The following GANC variants were observed in gnomAD, a reference collection of about 807,000 sequenced individuals.
GANC encodes neutral alpha-glucosidase C.
Under a neutral mutation model 124.2 loss-of-function variants are expected in GANC, and 117 were observed. The ratio of observed to expected loss-of-function variants is 0.94; its 90% CI spans 0.81 to 1.10. The LOEUF is 1.10. Among genes scored for constraint, GANC ranks in the 50% least tolerant of loss-of-function variants. The probability of loss-of-function intolerance (pLI) is 0.00; values close to 1 mark genes in which losing one functional copy is unlikely to be tolerated. For synonymous variants in GANC, 377 were observed against 376.8 expected (o/e 1.00, Z -0.01); for missense variants, 1,140 against 1,095.0 (o/e 1.04, Z -0.58).
intron 10 of GANC, among the ~76,000 whole-genome samples, chr15:42,317,955 C>T (rs887903207): frequency 2.0e-5 from 3 of 152,214 alleles, no homozygotes; most frequent in Non-Finnish European, 4.4e-5. Context: ...CAATCATATA[C>T]CATACCCTCC....
At chr15:42,325,381 G>A (rs989380717) in intron 11 of GANC, among the ~76,000 whole-genome samples, 2 of 152,160 alleles carry the variant, frequency 1.3e-5, no homozygotes, top group Non-Finnish European at 2.9e-5. Context: ...ATTAGATGGT[G>A]TTCTGGCCAA....
rs182653545 is a variant in GANC at position 42,323,745 on chromosome 15, C to T, written c.1293+1725C>T. ...CTTGAACTCCTGACTTCAGGTGATC[C>T]GCCCACCTGAGGCTCCCAAAGTGCT... On this transcript the variant is annotated intron_variant, in intron 11 of 23. Coordinates refer to ENST00000318010, the MANE Select transcript of GANC (RefSeq NM_198141.3). Among the ~76,000 whole-genome samples, 111 of 152,210 alleles carry T rather than the reference C, an allele frequency of 7.3e-4. 1 individual carries two copies. Among genetic ancestry groups the T allele is most frequent in the African/African-American group, 2.6e-3 (106 of 41,520 alleles).
Position 42,326,335 on chromosome 15 carries a change from C to G in GANC, c.1331C>G (p.Pro444Arg). ...VISDPHIKID[P>R]DYSVYVKAKD... Reference sequence around the variant, plus strand: ...AGTGATCCCCACATCAAGATTGATCCTGACTACTCAGTATATGTGAAGGCC... The same window carrying G: ...AGTGATCCCCACATCAAGATTGATCGTGACTACTCAGTATATGTGAAGGCC... The change falls in exon 12 of 24, where the codon CCT becomes CGT. Residue 444 changes from proline to arginine, a missense_variant. By Grantham distance (103) the Pro-to-Arg change is moderately radical (BLOSUM62 -2). Coordinates refer to ENST00000318010, the MANE Select transcript of GANC (RefSeq NM_198141.3). 1.8e-5 allele frequency: 29 copies of G among 1,614,066 alleles called. No homozygotes were observed. Among genetic ancestry groups the G allele is most frequent in the Non-Finnish European group, 2.5e-5 (29 of 1,179,952 alleles).
At chr15:42,320,783 A>C (rs2052149852) in intron 10 of GANC, among the ~76,000 whole-genome samples, 1 of 152,060 alleles carries the variant, frequency 6.6e-6, no homozygotes, top group Non-Finnish European at 1.5e-5. Context: ...CTGTGTGCCT[A>C]GATGAGGCTT....
chr15:42,306,642 CAG>C, intron 7 of GANC, 30 bp downstream of exon 7: 1 of 1,442,624 alleles, frequency 6.9e-7, no homozygotes, highest in South Asian at 1.2e-5. Flanking sequence ...AGTATTAAAA[CAG>C]ATCATTCTAA....
At chr15:42,350,161 G>T (rs951351659) in intron 22 of GANC, among the ~76,000 whole-genome samples, 1 of 150,702 alleles carries the variant, frequency 6.6e-6, no homozygotes, top group African/African-American at 2.4e-5. Flanking sequence ...CTCCCAAGTA[G>T]CTGGGATTAC....
chr15:42,283,367 C>T (rs2051752897), intron 3 of GANC, among the ~76,000 whole-genome samples: 1 of 152,148 alleles, frequency 6.6e-6, no homozygotes, highest in Non-Finnish European at 1.5e-5. Context: ...TTGTAGAACT[C>T]AGTTGTTGTT....
At chr15:42,279,710 C>T (rs972420543) in intron 3 of GANC, among the ~76,000 whole-genome samples, 1 of 152,144 alleles carries the variant, frequency 6.6e-6, no homozygotes, top group Non-Finnish European at 1.5e-5. Context: ...TCTGACTTAA[C>T]TGGTAATTCA....
chr15:42,325,740 G>GC (rs1288168192), intron 11 of GANC, among the ~76,000 whole-genome samples: 1 of 152,038 alleles, frequency 6.6e-6, no homozygotes, highest in African/African-American at 2.4e-5. Flanking sequence ...AAGAGCATTG[G>GC]CCTGGTTTTT....
intron 15 of GANC, among the ~76,000 whole-genome samples, chr15:42,331,519 G>C (rs1311653255): frequency 6.6e-6 from 1 of 152,140 alleles, no homozygotes; most frequent in African/African-American, 2.4e-5. Context: ...CATAAGCAAC[G>C]GAGAGCTTAG....
At chr15:42,345,944 C>G in intron 20 of GANC, 112 bp downstream of exon 20, 1 of 734,956 alleles carries the variant, frequency 1.4e-6, no homozygotes, top group Non-Finnish European at 2.3e-6. Flanking sequence ...AACTTATTTT[C>G]TCGAAGTTTT....
intron 1 of GANC, 45 bp from the exon 2 acceptor site, chr15:42,276,303 C>A: frequency 1.1e-6 from 1 of 945,204 alleles, no homozygotes; most frequent in Non-Finnish European, 1.7e-6. Flanking sequence ...GTTGGATTCA[C>A]AAGCCCTGTG....
At chr15:42,313,922 C>T (rs1011138556) in intron 10 of GANC, 14 of 607,138 alleles carry the variant, frequency 2.3e-5, no homozygotes, top group African/African-American at 7.4e-5. Context: ...GCTGCTCTCC[C>T]GCCTAGACAA....
intron 11 of GANC, among the ~76,000 whole-genome samples, chr15:42,322,307 A>G (rs1405900750): frequency 6.6e-6 from 1 of 152,212 alleles, no homozygotes; most frequent in African/African-American, 2.4e-5. Context: ...CCCCCCACTC[A>G]AAATTTAGTT....
In GANC at chr15:42,288,853, C is replaced by T. The variant is rs2051816641; in HGVS notation, c.329+1035C>T. On this transcript the variant is annotated intron_variant, in intron 4 of 23. Coordinates refer to ENST00000318010, the MANE Select transcript of GANC (RefSeq NM_198141.3). ...TAAGAACTTAAAAGAGACTGTTTCT[C>T]AAGGCTTTTGCAGTTTGACAATTGA... Among the ~76,000 whole-genome samples the T allele has an allele frequency of 3.3e-5, 5 of 152,052 alleles. 1 individual carries two copies. In the South Asian group the frequency reaches 1.0e-3, roughly 32 times the overall value.
chr15:42,276,183 A>G (rs553275322), intron 1 of GANC, 165 bp from the exon 2 acceptor site: 61 of 513,578 alleles, frequency 1.2e-4, no homozygotes, highest in African/African-American at 1.1e-3. Context: ...TTGTTCTGCA[A>G]CATAATGTGC....
At chr15:42,301,148 A>C (rs1193690365) in intron 6 of GANC, among the ~76,000 whole-genome samples, 1 of 152,198 alleles carries the variant, frequency 6.6e-6, no homozygotes, top group East Asian at 1.9e-4. Context: ...CTGAATTTCC[A>C]ACTGAAGTGC....
In GANC at chr15:42,353,158, T is replaced by C. The variant is rs2052472293; in HGVS notation, c.*1019T>C. On this transcript the variant is annotated 3_prime_UTR_variant, in exon 24 of 24. Transcript: ENST00000318010. The stretch of plus-strand genomic sequence containing the variant: ...TTACAACATACCAGTCGTGTCATGG[T>C]GCCCAAGGCTCCACAGACCTCAGTG... 6 of 985,774 alleles carry C rather than the reference T, an allele frequency of 6.1e-6. No individual in the cohort carries two copies. The highest frequency in any genetic ancestry group is 7.2e-6 in the Non-Finnish European group (6 of 829,998). The allele number at this position is 985,774 out of a possible 1,614,324, so 61.1% of individuals were successfully genotyped here. A position where few individuals can be genotyped will look rare whatever the true frequency, so the allele number is the denominator to read the frequency against.
chr15:42,337,605 G>A (rs905993431), intron 15 of GANC, among the ~76,000 whole-genome samples: 2 of 152,062 alleles, frequency 1.3e-5, no homozygotes, highest in African/African-American at 4.8e-5. Flanking sequence ...ATAACTAATG[G>A]GTATTAGGCT....
Sources: allele counts gnomAD v4.1 joint callset (sites outside exome capture counted in the v4.1 genomes callset), GRCh38; gene constraint gnomAD v4.1.1; transcripts MANE v1.5; gene names NCBI Gene and HGNC (gene_info 2026-07-23, HGNC 2026-07-21).